The following SLC6A11 variants were observed in gnomAD, a reference collection of about 807,000 sequenced individuals.
SLC6A11 encodes the protein sodium- and chloride-dependent GABA transporter 3.
In SLC6A11, 25 loss-of-function variants were observed where a neutral mutation model predicts 74.8. The ratio of observed to expected loss-of-function variants is 0.33; its 90% confidence interval spans 0.24 to 0.47. SLC6A11 has a LOEUF of 0.47. Among genes scored for constraint, SLC6A11 ranks in the 20% least tolerant of loss-of-function variants. The pLI is 1.00. For synonymous variants in SLC6A11, 330 were observed against 330.2 expected (o/e 1.00, Z 0.01); for missense variants, 574 against 837.0 (o/e 0.69, Z 3.88).
chr3:10,934,141 T>A lies in SLC6A11; in HGVS notation c.1550T>A (p.Met517Lys), dbSNP rs752330011. Residue 517 changes from methionine (M) to lysine (K), a missense_variant, in exon 12 of 14, where the codon ATG (methionine) becomes AAG (lysine). Around this residue, in one of 4 missense-constraint regions of SLC6A11, gnomAD observed 257 missense variants for 341.5 expected, o/e 0.75. Transcript: ENST00000254488. ...RPPSLIKWCW[M>K]IMTPGICAGI... is the part of the protein sequence containing the mutation. ...CCGTCGCTCATTAAGTGGTGCTGGATGATCATGACCCCTGGGATCTGCGCG... is the reference window on the plus strand; with the variant it reads ...CCGTCGCTCATTAAGTGGTGCTGGAAGATCATGACCCCTGGGATCTGCGCG... 1.2e-6 allele frequency: 2 copies of A among 1,613,524 alleles called. No homozygotes were observed. The highest frequency in any genetic ancestry group is 1.7e-6 in the Non-Finnish European group (2 of 1,179,418).
intron 12 of SLC6A11, 38 bp downstream of exon 12, chr3:10,934,204 C>A: frequency 7.2e-7 from 1 of 1,387,756 alleles, no homozygotes; most frequent in Non-Finnish European, 1.0e-6. Flanking sequence ...AGCCATCTAC[C>A]CACCCATCTA....
chr3:10,921,908 G>A (rs1695542094), intron 8 of SLC6A11, among the ~76,000 whole-genome samples: 1 of 152,136 alleles, frequency 6.6e-6, no homozygotes, highest in Non-Finnish European at 1.5e-5. Flanking sequence ...GATAAAAGGG[G>A]CAATTCATTG....
Position 10,819,522 on chromosome 3 carries a change from TCCTGGAGA to T in SLC6A11, c.316_323del (p.Leu106SerfsTer8). On this transcript the variant is annotated frameshift_variant, in exon 2 of 14. Coordinates refer to ENST00000254488, the MANE Select transcript of SLC6A11 (RefSeq NM_014229.3). LOFTEE classifies it high-confidence loss of function. ...ATTTGCTGTGGAATTCCTGTTTTTT[TCCTGGAGA>T]CAGCTCTGGGGCAGTTCACAAGTGA... 1 of 1,614,146 alleles carries T rather than the reference TCCTGGAGA, an allele frequency of 6.2e-7. No homozygotes were observed. The highest frequency in any genetic ancestry group is 1.1e-5 in the South Asian group (1 of 91,050).
intron 3 of SLC6A11, among the ~76,000 whole-genome samples, chr3:10,822,968 A>G (rs2106571158): frequency 2.0e-5 from 3 of 152,318 alleles, no homozygotes; most frequent in Admixed American, 2.0e-4. Context: ...CTTCAGCCAG[A>G]CAGATAAATG....
At chr3:10,859,293 C>T (rs1467967027) in intron 5 of SLC6A11, among the ~76,000 whole-genome samples, 1 of 152,172 alleles carries the variant, frequency 6.6e-6, no homozygotes. Context: ...GGAGACACAG[C>T]AGCCCAAGAT....
At position 10,876,784 on chromosome 3, in the gene SLC6A11, G is replaced by GA. The variant is rs1188533364; in HGVS notation, c.891+1701dup. On this transcript the variant is annotated intron_variant, in intron 6 of 13. Transcript: ENST00000254488. ...TCCCACACAGAGAGAGAGAGAGAGA[G>GA]AAAAAAAAAAAACAAACGAGAACTA... Among the ~76,000 whole-genome samples, 380 of 78,006 alleles carry GA rather than the reference G, an allele frequency of 4.9e-3. 5 individuals are homozygous for GA. The highest frequency in any genetic ancestry group is 7.1e-3 in the African/African-American group (116 of 16,438). 51.2% of individuals were successfully genotyped at this position (78,006 alleles called of 152,430 possible).
chr3:10,836,152 A>G (rs1015234322), intron 4 of SLC6A11, among the ~76,000 whole-genome samples: 2 of 152,232 alleles, frequency 1.3e-5, no homozygotes, highest in African/African-American at 2.4e-5. Flanking sequence ...TTCATGTAGC[A>G]TAACACTTTT....
chr3:10,838,080 G>T (rs930115836), intron 4 of SLC6A11, among the ~76,000 whole-genome samples: 11 of 152,224 alleles, frequency 7.2e-5, no homozygotes, highest in African/African-American at 2.7e-4. Context: ...TCAGTGGCAG[G>T]TTAAAGAAAG....
At chr3:10,883,358 C>A (rs1202627929) in intron 6 of SLC6A11, among the ~76,000 whole-genome samples, 1 of 152,108 alleles carries the variant, frequency 6.6e-6, no homozygotes, top group Non-Finnish European at 1.5e-5. Flanking sequence ...ATTGTTCCTG[C>A]CCCAGATTCC....
intron 4 of SLC6A11, among the ~76,000 whole-genome samples, chr3:10,835,594 T>C (rs1694356464): frequency 6.6e-6 from 1 of 152,154 alleles, no homozygotes; most frequent in South Asian, 2.1e-4. Flanking sequence ...CTGCCCTCAG[T>C]CTCACCCTCC....
At chr3:10,920,860 C>G (rs1309280887) in intron 8 of SLC6A11, among the ~76,000 whole-genome samples, 4 of 152,222 alleles carry the variant, frequency 2.6e-5, no homozygotes, top group South Asian at 2.1e-4. Context: ...AAAACCTGCT[C>G]TGTGCCTCTG....
At position 10,816,375 on chromosome 3, in the gene SLC6A11, G is replaced by A. The variant is rs755212102; in HGVS notation, c.110G>A (p.Arg37His). The change falls in exon 1 of 14, where the codon CGC (arginine) becomes CAC (histidine). Residue 37 changes from arginine (R) to histidine (H), a missense_variant. Transcript: ENST00000254488. This position sits in a 1 kb window ranked among gnomAD's most constrained non-coding sequence, Gnocchi z 4.2. ...AGCAGCGGGGGCGCGGCGCCCGCGC[G>A]CCACCCGCGCGTCAAGCGCGACAAG... ...GCSSGGAAPA[R>H]HPRVKRDKAV... The A allele has an allele frequency of 2.7e-6, 4 of 1,485,952 alleles. No homozygotes were observed. The African/African-American group carries it at 4.4e-5, about 16-fold the overall frequency. The allele number at this position is 1,485,952 out of a possible 1,614,324, so 92.0% of individuals were successfully genotyped here. A position where few individuals can be genotyped will look rare whatever the true frequency, so the allele number is the denominator to read the frequency against.
At chr3:10,933,775 T>C (rs1695722094) in intron 11 of SLC6A11, among the ~76,000 whole-genome samples, 1 of 152,180 alleles carries the variant, frequency 6.6e-6, no homozygotes, top group South Asian at 2.1e-4. Flanking sequence ...CCACCCCTGA[T>C]TGCCTTGCCT....
chr3:10,913,593 A>G (rs1218030590), intron 7 of SLC6A11, among the ~76,000 whole-genome samples: 1 of 152,244 alleles, frequency 6.6e-6, no homozygotes, highest in Non-Finnish European at 1.5e-5. Flanking sequence ...CATCCCAACA[A>G]CGTATGATAC....
chr3:10,900,113 T>C (rs1299617803), intron 6 of SLC6A11, among the ~76,000 whole-genome samples: 1 of 152,238 alleles, frequency 6.6e-6, no homozygotes, highest in Non-Finnish European at 1.5e-5. Flanking sequence ...CATTGCAATG[T>C]AGTTCCCTTA....
intron 6 of SLC6A11, among the ~76,000 whole-genome samples, chr3:10,898,979 G>A (rs142556363): frequency 1.3e-3 from 197 of 152,276 alleles, no homozygotes; most frequent in African/African-American, 4.2e-3. Context: ...ACATGGTGGC[G>A]GCAAGAGAGA....
intron 3 of SLC6A11, among the ~76,000 whole-genome samples, chr3:10,821,379 C>T (rs1054504416): frequency 1.3e-5 from 2 of 152,078 alleles, no homozygotes; most frequent in African/African-American, 4.8e-5. Flanking sequence ...GGAAAAAGAC[C>T]AGAAAGGTTT....
At chr3:10,867,944 G>T (rs1444649940) in intron 5 of SLC6A11, among the ~76,000 whole-genome samples, 1 of 152,144 alleles carries the variant, frequency 6.6e-6, no homozygotes, top group East Asian at 1.9e-4. Context: ...TGCAGTAAGA[G>T]ATCATAGTTT....
At chr3:10,834,759 G>A (rs1284466606) in intron 4 of SLC6A11, among the ~76,000 whole-genome samples, 1 of 152,184 alleles carries the variant, frequency 6.6e-6, no homozygotes, top group Non-Finnish European at 1.5e-5. Context: ...ACCCTGAGCA[G>A]GTAATGCCGA....
Sources: gnomAD v4.1 joint callset for allele counts (sites outside exome capture counted in the v4.1 genomes callset) on GRCh38, gnomAD v4.1.1 for gene constraint, gnomAD v4.1.1 regional missense constraint, Gnocchi (gnomAD v3.1) non-coding constraint, MANE v1.5 for transcripts, NCBI Gene and HGNC (gene_info 2026-07-23, HGNC 2026-07-21) for gene names.